Variants in SMYD1 observed in about 807,000 individuals in gnomAD.
SMYD1 encodes SET and MYND domain containing 1, also known as histone-lysine N-methyltransferase SMYD1.
SMYD1 carries 49 observed loss-of-function variants against 54.0 expected under a neutral mutation model. That is an observed-to-expected ratio of 0.91 (90% CI 0.72 to 1.15). The LOEUF (loss-of-function observed/expected upper bound fraction) is 1.15. SMYD1 is among the 50% of genes most tolerant of loss of function. The pLI, the probability that SMYD1 is intolerant of heterozygous loss-of-function variation, is 0.00. For missense variants in SMYD1, 653 were observed against 639.6 expected (o/e 1.02, Z -0.23); for synonymous variants, 269 against 234.2 (o/e 1.15, Z -1.36).
chr2:88,112,326 A>T lies in SMYD1; in HGVS notation c.*1814A>T. The T allele has an allele frequency of 1.7e-6, 1 of 597,498 alleles. No individual in the cohort carries two copies. The highest frequency in any genetic ancestry group is 3.0e-6 in the Non-Finnish European group (1 of 335,260). The allele number at this position is 597,498 out of a possible 1,614,324, so 37.0% of individuals were successfully genotyped here. On this transcript the variant is annotated 3_prime_UTR_variant, in exon 10 of 10. Coordinates refer to ENST00000419482, the MANE Select transcript of SMYD1 (RefSeq NM_198274.4). ...TTTTTTTCCATCCTATCTTTCTAAT[A>T]TTTGTTGTCTTTAACAAACTGTGTT... is the stretch of plus-strand genomic sequence containing the variant.
Position 88,112,189 on chromosome 2 carries a change from A to G in SMYD1, c.*1677A>G, listed in dbSNP as rs969875533. Reference sequence around the variant, plus strand: ...CTTTCTCCCAGGGATCTAACTGGCTAGTTCAAATTATCACTCTTTTACCTT... The same window carrying G: ...CTTTCTCCCAGGGATCTAACTGGCTGGTTCAAATTATCACTCTTTTACCTT... On this transcript the variant is annotated 3_prime_UTR_variant, in exon 10 of 10. Coordinates refer to ENST00000419482, the MANE Select transcript of SMYD1 (RefSeq NM_198274.4). The G allele has an allele frequency of 4.3e-6, 3 of 702,786 alleles. No homozygotes were observed. The highest frequency in any genetic ancestry group is 7.8e-6 in the Non-Finnish European group (3 of 384,894). The allele number at this position is 702,786 out of a possible 1,614,324, so 43.5% of individuals were successfully genotyped here.
At chr2:88,104,202 A>G (rs566381985) in intron 7 of SMYD1, among the ~76,000 whole-genome samples, 5 of 152,108 alleles carry the variant, frequency 3.3e-5, no homozygotes, top group Non-Finnish European at 5.9e-5. Context: ...TCCCAACATC[A>G]TGATCTGCCC....
chr2:88,069,917 T>C (rs573601586), intron 1 of SMYD1, among the ~76,000 whole-genome samples: 17 of 152,314 alleles, frequency 1.1e-4, no homozygotes, highest in African/African-American at 3.8e-4. Context: ...TACCTGCTGA[T>C]GACTGGCCAT....
chr2:88,103,114 G>A lies in SMYD1; in HGVS notation c.945G>A (p.Lys315=). 2 of 1,613,932 alleles carry A rather than the reference G, an allele frequency of 1.2e-6. No homozygotes were observed. Among genetic ancestry groups the A allele is most frequent in the Non-Finnish European group, 1.7e-6 (2 of 1,179,894 alleles). Residue 315 remains lysine, a synonymous_variant, in exon 7 of 10, where the codon AAG becomes AAA. Transcript: ENST00000419482. ...AATTCTCCAAGGATACATTGGAAAA[G>A]ATAGACAAGGCTCGTTCCGAGGGTT... ...MIQFSKDTLE[K]IDKARSEGLY...
chr2:88,075,193 G>A (rs925086939), intron 1 of SMYD1, among the ~76,000 whole-genome samples: 3 of 152,306 alleles, frequency 2.0e-5, no homozygotes, highest in Non-Finnish European at 2.9e-5. Context: ...AAGACATGTC[G>A]ACATGTTACA....
intron 2 of SMYD1, among the ~76,000 whole-genome samples, 173 bp downstream of exon 2, chr2:88,084,665 C>G (rs748754573): frequency 2.0e-4 from 30 of 152,214 alleles, no homozygotes; most frequent in Non-Finnish European, 2.1e-4. Flanking sequence ...AGAGGGAGAA[C>G]TGGCTGTTGA....
intron 6 of SMYD1, among the ~76,000 whole-genome samples, chr2:88,101,531 A>C (rs1233345642): frequency 6.6e-6 from 1 of 152,230 alleles, no homozygotes; most frequent in Non-Finnish European, 1.5e-5. Context: ...CACACGTAGG[A>C]CTGAAATTCA....
intron 4 of SMYD1, among the ~76,000 whole-genome samples, chr2:88,092,817 T>C (rs1266296504): frequency 6.6e-6 from 1 of 152,250 alleles, no homozygotes; most frequent in Non-Finnish European, 1.5e-5. Flanking sequence ...GATGGCCCTC[T>C]TCTAAGTGGT....
rs765882434 is a variant in SMYD1 at position 88,108,398 on chromosome 2, A to G, written c.1173A>G (p.Gln391=). 6.2e-7 allele frequency: 1 copy of G among 1,603,510 alleles called. No individual in the cohort carries two copies. Among genetic ancestry groups the G allele is most frequent in the South Asian group, 1.1e-5 (1 of 88,730 alleles). The part of the protein sequence containing the change: ...YMKLYHPNNA[Q]LGMAVMRAGL... Reference sequence around the variant, plus strand: ...AGCTCTACCACCCCAACAATGCCCAACTGGGCATGGCCGTGATGCGGGCAG... The same window carrying G: ...AGCTCTACCACCCCAACAATGCCCAGCTGGGCATGGCCGTGATGCGGGCAG... Residue 391 remains glutamine, a synonymous_variant, in exon 9 of 10, where the codon CAA becomes CAG. Coordinates refer to ENST00000419482, the MANE Select transcript of SMYD1 (RefSeq NM_198274.4).
intron 6 of SMYD1, among the ~76,000 whole-genome samples, chr2:88,097,170 T>C (rs1674608897): frequency 6.6e-6 from 1 of 152,168 alleles, no homozygotes; most frequent in South Asian, 2.1e-4. Context: ...GAATTTAAGG[T>C]GTTCAAATCA....
At chr2:88,092,957 G>C (rs2103998484) in intron 4 of SMYD1, among the ~76,000 whole-genome samples, 1 of 152,284 alleles carries the variant, frequency 6.6e-6, no homozygotes, top group South Asian at 2.1e-4. Context: ...AGGCTTCTTG[G>C]CTTTTGTGCA....
chr2:88,078,333 A>T (rs887349951), intron 1 of SMYD1, among the ~76,000 whole-genome samples: 6 of 152,214 alleles, frequency 3.9e-5, no homozygotes, highest in Admixed American at 3.9e-4. Context: ...TCTTGCTTGA[A>T]TTTTTTAAAA....
At chr2:88,100,973 G>A (rs965366180) in intron 6 of SMYD1, among the ~76,000 whole-genome samples, 3 of 152,198 alleles carry the variant, frequency 2.0e-5, no homozygotes, top group Non-Finnish European at 2.9e-5. Flanking sequence ...CAAAATTATA[G>A]GGATAGCCAA....
intron 1 of SMYD1, among the ~76,000 whole-genome samples, chr2:88,078,860 C>T (rs991541772): frequency 5.3e-5 from 8 of 152,266 alleles, no homozygotes; most frequent in Admixed American, 4.6e-4. Context: ...AGAAGCTCAG[C>T]TTCATCCCAA....
intron 1 of SMYD1, among the ~76,000 whole-genome samples, chr2:88,076,694 G>T (rs1233680844): frequency 2.0e-5 from 3 of 152,138 alleles, no homozygotes; most frequent in Non-Finnish European, 4.4e-5. Flanking sequence ...GTACTTGAGG[G>T]ATGGGATGTT....
In SMYD1 at chr2:88,089,585, G is replaced by GTTT. The variant is rs59808789; in HGVS notation, c.529-1405_529-1403dup. 6.9e-3 allele frequency among the ~76,000 whole-genome samples: 736 copies of GTTT among 106,756 alleles called. 24 individuals carry two copies. The highest frequency in any genetic ancestry group is 0.018 in the East Asian group (47 of 2,664). The allele number at this position is 106,756 out of a possible 152,430, so 70.0% of individuals were successfully genotyped here. ...TTTTCAGGAGCCAGAGCTTCTACCT[G>GTTT]TTTTTTTTTTTTTTTTTTTTTTTTG... On this transcript the variant is annotated intron_variant, in intron 3 of 9. Coordinates refer to ENST00000419482, the MANE Select transcript of SMYD1 (RefSeq NM_198274.4).
chr2:88,077,011 C>CAAAAAAAAAAA (rs112988082), intron 1 of SMYD1, among the ~76,000 whole-genome samples: 12 of 117,202 alleles, frequency 1.0e-4, no homozygotes, highest in African/African-American at 3.7e-4. Flanking sequence ...GACCCTGTCT[C>CAAAAAAAAAAA]AAAAAAAAAA....
chr2:88,100,215 A>G (rs1674691582), intron 6 of SMYD1, among the ~76,000 whole-genome samples: 1 of 152,134 alleles, frequency 6.6e-6, no homozygotes, highest in Admixed American at 6.5e-5. Flanking sequence ...TTCCTTTCTC[A>G]GAGTAGATTT....
intron 1 of SMYD1, chr2:88,083,339 G>A (rs1405159099): frequency 6.6e-6 from 1 of 152,036 alleles, no homozygotes; most frequent in Non-Finnish European, 1.5e-5. Flanking sequence ...CATTTCCTAT[G>A]GAGCCTATGC....
Sources: allele counts gnomAD v4.1 joint callset (sites outside exome capture counted in the v4.1 genomes callset), GRCh38; gene constraint gnomAD v4.1.1; transcripts MANE v1.5; gene names NCBI Gene and HGNC (gene_info 2026-07-23, HGNC 2026-07-21).